Variants in MEGF11 observed in about 807,000 individuals in gnomAD.
MEGF11 encodes multiple epidermal growth factor-like domains protein 11.
A neutral mutation model predicts 146.6 loss-of-function variants in MEGF11; 126 were observed. That is an observed-to-expected ratio of 0.86 (90% CI 0.74 to 1.00). The LOEUF (loss-of-function observed/expected upper bound fraction) is 1.00. MEGF11 is among the 50% of genes least tolerant of loss of function. MEGF11 has a pLI of 0.00. For missense variants in MEGF11, 1,509 were observed against 1,521.2 expected, an observed-to-expected ratio of 0.99 and a Z score of 0.13; for synonymous variants, 532 against 583.4, an observed-to-expected ratio of 0.91 and a Z score of 1.27.
chr15:66,066,867 C>G (rs891633573), intron 5 of MEGF11, among the ~76,000 whole-genome samples: 5 of 152,178 alleles, frequency 3.3e-5, no homozygotes, highest in African/African-American at 1.2e-4. Context: ...GTGGCCCCAG[C>G]AATCAGGAGA....
intron 1 of MEGF11, among the ~76,000 whole-genome samples, chr15:66,200,542 G>T (rs1252925916): frequency 2.0e-5 from 3 of 152,028 alleles, no homozygotes; most frequent in African/African-American, 7.2e-5. Context: ...CTCATGATCA[G>T]TTATCCTCAT....
chr15:65,973,406 GTT>G (rs1395410298), intron 7 of MEGF11, among the ~76,000 whole-genome samples: 1 of 152,176 alleles, frequency 6.6e-6, no homozygotes, highest in East Asian at 1.9e-4. Flanking sequence ...CTGTTAGAGA[GTT>G]TTAAGGATAA....
intron 10 of MEGF11, among the ~76,000 whole-genome samples, chr15:65,948,831 G>A (rs549611952): frequency 1.5e-3 from 230 of 152,234 alleles, no homozygotes; most frequent in African/African-American, 5.4e-3. Context: ...ACTGGAGTGT[G>A]TGTGTGTGTG....
intron 4 of MEGF11, among the ~76,000 whole-genome samples, chr15:66,107,612 G>C (rs1361126641): frequency 1.3e-5 from 2 of 152,204 alleles, no homozygotes; most frequent in Non-Finnish European, 2.9e-5. Context: ...CATGGGTACA[G>C]ATACCAGAAT....
intron 10 of MEGF11, among the ~76,000 whole-genome samples, chr15:65,937,389 T>C (rs181660098): frequency 6.6e-6 from 1 of 152,366 alleles, no homozygotes; most frequent in East Asian, 1.9e-4. Context: ...TTATTGAGGT[T>C]GTTCCCCTAA....
chr15:66,208,969 C>T (rs1250924580), intron 1 of MEGF11, among the ~76,000 whole-genome samples: 2 of 152,150 alleles, frequency 1.3e-5, no homozygotes, highest in Non-Finnish European at 2.9e-5. Context: ...CTGACAAGGA[C>T]ATAAAGAAAC....
At chr15:66,006,015 G>T (rs2082509089) in intron 5 of MEGF11, among the ~76,000 whole-genome samples, 3 of 152,196 alleles carry the variant, frequency 2.0e-5, no homozygotes. Flanking sequence ...ATGACAAAGG[G>T]CTTGTTAACC....
At chr15:65,910,232 T>C (rs750343943) in intron 21 of MEGF11, among the ~76,000 whole-genome samples, 23 of 152,148 alleles carry the variant, frequency 1.5e-4, no homozygotes, top group Admixed American at 3.3e-4. Context: ...CTGATCCTGA[T>C]TGGGGCTGAA....
At chr15:65,899,483 T>G (rs891323829) in intron 24 of MEGF11, among the ~76,000 whole-genome samples, 2 of 152,218 alleles carry the variant, frequency 1.3e-5, no homozygotes, top group Non-Finnish European at 2.9e-5. Flanking sequence ...GCTGGTATTA[T>G]CGGTACGTGC....
intron 1 of MEGF11, among the ~76,000 whole-genome samples, chr15:66,227,872 C>T (rs1356027922): frequency 6.6e-6 from 1 of 152,216 alleles, no homozygotes; most frequent in Non-Finnish European, 1.5e-5. Flanking sequence ...CTAAGACTAG[C>T]TGGGCCCAGC....
chr15:66,239,687 C>G (rs1376093248), intron 1 of MEGF11, among the ~76,000 whole-genome samples: 1 of 152,212 alleles, frequency 6.6e-6, no homozygotes, highest in African/African-American at 2.4e-5. Context: ...TCCTCAGAAG[C>G]CAGAGCAGCT....
chr15:65,935,802 C>T (rs114149259), intron 10 of MEGF11, among the ~76,000 whole-genome samples: 1,655 of 152,292 alleles, frequency 0.011, 26 homozygotes, highest in African/African-American at 0.037. Context: ...GTTCTAACAC[C>T]TCAACAAGCA....
chr15:66,161,220 G>C (rs115009098), intron 1 of MEGF11, among the ~76,000 whole-genome samples: 357 of 152,308 alleles, frequency 2.3e-3, no homozygotes, highest in African/African-American at 8.2e-3. Context: ...TACTGAGTGG[G>C]AGGAGGTGAA....
chr15:65,904,208 C>T (rs572816232), intron 24 of MEGF11, among the ~76,000 whole-genome samples: 23 of 152,288 alleles, frequency 1.5e-4, no homozygotes, highest in South Asian at 8.3e-4. Flanking sequence ...TTGAGTCATG[C>T]GTGTTCTTCA....
intron 7 of MEGF11, among the ~76,000 whole-genome samples, chr15:65,976,176 G>A (rs2081439830): frequency 6.6e-6 from 1 of 151,808 alleles, no homozygotes; most frequent in East Asian, 1.9e-4. Context: ...CTGAATAGCT[G>A]GGATTACAAG....
At chr15:66,169,119 C>T (rs1157856711) in intron 1 of MEGF11, among the ~76,000 whole-genome samples, 4 of 152,206 alleles carry the variant, frequency 2.6e-5, no homozygotes, top group African/African-American at 4.8e-5. Flanking sequence ...ACTATCTGGT[C>T]GATGCTGCCT....
chr15:65,965,182 T>C, intron 8 of MEGF11, 62 bp from the exon 9 acceptor site: 1 of 1,392,856 alleles, frequency 7.2e-7, no homozygotes, highest in Non-Finnish European at 9.8e-7. Context: ...TGCTTCAAGA[T>C]CCTCCAGGAT....
At chr15:66,232,257 C>A (rs1567292924) in intron 1 of MEGF11, among the ~76,000 whole-genome samples, 1 of 151,992 alleles carries the variant, frequency 6.6e-6, no homozygotes, top group African/African-American at 2.4e-5. Context: ...TCTCTGGCAA[C>A]CCTAGCAACT....
chr15:65,938,568 C>T (rs1596871458), intron 10 of MEGF11, among the ~76,000 whole-genome samples: 1 of 152,220 alleles, frequency 6.6e-6, no homozygotes, highest in Admixed American at 6.5e-5. Context: ...TCCACACCAC[C>T]TACAGGGCAG....
Sources: allele counts gnomAD v4.1 joint callset (sites outside exome capture counted in the v4.1 genomes callset), GRCh38; gene constraint gnomAD v4.1.1; transcripts MANE v1.5; gene names NCBI Gene and HGNC (gene_info 2026-07-23, HGNC 2026-07-21).